Variants in KAZN observed in about 807,000 individuals in gnomAD.
KAZN encodes the protein kazrin.
A neutral mutation model predicts 87.4 loss-of-function variants in KAZN; 40 were observed. That is an observed-to-expected ratio of 0.46 (90% CI 0.36 to 0.60). The LOEUF (loss-of-function observed/expected upper bound fraction) is 0.60. Ranked by LOEUF, KAZN falls within the 20% of genes least tolerant of loss-of-function variation. The pLI is 0.00. For synonymous variants in KAZN, 466 were observed against 458.3 expected (o/e 1.02, Z -0.22); for missense variants, 898 against 1,073.9 (o/e 0.84, Z 2.29).
intron 1 of KAZN, among the ~76,000 whole-genome samples, chr1:13,909,075 A>G (rs555106547): frequency 6.6e-6 from 1 of 152,288 alleles, no homozygotes; most frequent in African/African-American, 2.4e-5. Context: ...TCTTATCCCT[A>G]CAAGAGGAGA....
At chr1:14,828,396 G>T (rs979817213) in intron 1 of KAZN, among the ~76,000 whole-genome samples, 2 of 152,068 alleles carry the variant, frequency 1.3e-5, no homozygotes, top group African/African-American at 2.4e-5. Context: ...ATGGAAAACC[G>T]TGTTTAAAAA....
At chr1:14,569,429 T>C (rs576253344) in intron 2 of KAZN, among the ~76,000 whole-genome samples, 2 of 149,210 alleles carry the variant, frequency 1.3e-5, no homozygotes, top group African/African-American at 2.5e-5. Context: ...TTCACGCCAT[T>C]CTCCTGCCTC....
intron 3 of KAZN, among the ~76,000 whole-genome samples, chr1:15,036,329 G>A (rs1292350617): frequency 6.4e-4 from 80 of 125,266 alleles, no homozygotes; most frequent in Middle Eastern, 4.1e-3. Flanking sequence ...AGCCTGCCCC[G>A]CCCGGCTCCC....
intron 2 of KAZN, among the ~76,000 whole-genome samples, chr1:14,185,081 A>G (rs1000128013): frequency 1.3e-5 from 2 of 152,104 alleles, no homozygotes; most frequent in Non-Finnish European, 2.9e-5. Flanking sequence ...CCCTCACTTT[A>G]TACAAACTGA....
At chr1:15,060,387 G>A (rs1033982402) in intron 6 of KAZN, 85 bp downstream of exon 6, 14 of 1,554,924 alleles carry the variant, frequency 9.0e-6, no homozygotes, top group African/African-American at 2.7e-5. Flanking sequence ...AGCCATACTC[G>A]CTGTTTCCTC....
chr1:14,225,668 A>G (rs1647243387), intron 2 of KAZN, among the ~76,000 whole-genome samples: 1 of 152,146 alleles, frequency 6.6e-6, no homozygotes. Flanking sequence ...TGGTGCAGAA[A>G]ACAGACACAT....
chr1:14,254,348 C>T (rs968374169), intron 2 of KAZN, among the ~76,000 whole-genome samples: 1 of 152,170 alleles, frequency 6.6e-6, no homozygotes, highest in Admixed American at 6.5e-5. Context: ...GAGAGAAGCT[C>T]CCTAGGGATC....
chr1:14,293,496 T>C (rs917326349), intron 2 of KAZN, among the ~76,000 whole-genome samples: 4 of 152,180 alleles, frequency 2.6e-5, no homozygotes, highest in African/African-American at 9.6e-5. Context: ...ATTGCTGGTG[T>C]TGCCATGTCC....
At position 15,066,731 on chromosome 1, in the gene KAZN, C is replaced by T; in HGVS notation, c.1222+978C>T. The T allele has an allele frequency of 2.0e-6, 2 of 985,384 alleles. No individual in the cohort carries two copies. Among genetic ancestry groups the T allele is most frequent in the Non-Finnish European group, 2.4e-6 (2 of 829,916 alleles). 61.0% of individuals were successfully genotyped at this position (985,384 alleles called of 1,614,324 possible). A position where few individuals can be genotyped will look rare whatever the true frequency, so the allele number is the denominator to read the frequency against. ...GTTCTGTTACCATGCTGCTACCCAACTGTGCAAAGTAGTTTAGGGTGGCCA... is the reference window on the plus strand; with the variant it reads ...GTTCTGTTACCATGCTGCTACCCAATTGTGCAAAGTAGTTTAGGGTGGCCA... On this transcript the variant is annotated intron_variant, in intron 8 of 14. Coordinates refer to ENST00000376030, the MANE Select transcript of KAZN (RefSeq NM_201628.3). This position sits in a 1 kb window ranked among gnomAD's most constrained non-coding sequence, Gnocchi z 4.3.
chr1:14,532,789 A>G (rs1013282141), intron 2 of KAZN, among the ~76,000 whole-genome samples: 5 of 151,898 alleles, frequency 3.3e-5, no homozygotes, highest in Non-Finnish European at 2.9e-5. Context: ...GTCCCTACAA[A>G]GGACATGAAC....
At chr1:14,010,023 A>G (rs1198047043) in intron 1 of KAZN, among the ~76,000 whole-genome samples, 1 of 152,230 alleles carries the variant, frequency 6.6e-6, no homozygotes, top group Admixed American at 6.5e-5. Flanking sequence ...TAGACAATCT[A>G]TAGGCATTCA....
chr1:14,406,971 C>T (rs1464382471), intron 2 of KAZN, among the ~76,000 whole-genome samples: 7 of 152,138 alleles, frequency 4.6e-5, no homozygotes. Context: ...AGCAGGCACT[C>T]GATAGCTGTG....
At chr1:14,318,641 C>T (rs969688934) in intron 2 of KAZN, among the ~76,000 whole-genome samples, 1 of 152,032 alleles carries the variant, frequency 6.6e-6, no homozygotes, top group Non-Finnish European at 1.5e-5. Context: ...TATTTTTTCT[C>T]TTCCCTTTTT....
At chr1:14,945,693 A>G (rs960181179) in intron 1 of KAZN, among the ~76,000 whole-genome samples, 5 of 152,256 alleles carry the variant, frequency 3.3e-5, no homozygotes, top group Non-Finnish European at 5.9e-5. Flanking sequence ...TATGCAAAGC[A>G]TATTTTATTT....
intron 1 of KAZN, among the ~76,000 whole-genome samples, chr1:13,919,980 A>G (rs564676802): frequency 2.4e-4 from 37 of 152,240 alleles, no homozygotes; most frequent in African/African-American, 8.9e-4. Flanking sequence ...TGAATATCCT[A>G]TTGACCCAGA....
intron 1 of KAZN, among the ~76,000 whole-genome samples, chr1:14,135,689 G>C (rs1413494348): frequency 6.6e-6 from 1 of 152,152 alleles, no homozygotes; most frequent in African/African-American, 2.4e-5. Context: ...TAGACCACTT[G>C]AACATTTTCT....
chr1:14,277,148 C>T lies in KAZN; in HGVS notation c.249+96556C>T, dbSNP rs116785867. ...AAAGTAGAGAAAATAATATAAAGAA[C>T]GCCCTTGTGCCCATTATATACTCAA... On this transcript the variant is annotated intron_variant, in intron 2 of 16. Coordinates refer to the KAZN transcript ENST00000636203. 8.6e-3 allele frequency among the ~76,000 whole-genome samples: 1,304 copies of T among 152,232 alleles called. 15 individuals carry two copies. The highest frequency in any genetic ancestry group is 0.016 in the Admixed American group (238 of 15,294).
At chr1:14,754,589 C>T (rs564865942) in intron 1 of KAZN, among the ~76,000 whole-genome samples, 36 of 152,138 alleles carry the variant, frequency 2.4e-4, no homozygotes, top group African/African-American at 7.9e-4. Flanking sequence ...GCCAAGATCA[C>T]GCCACCACAC....
intron 1 of KAZN, among the ~76,000 whole-genome samples, chr1:14,106,914 T>C (rs1644385354): frequency 6.6e-6 from 1 of 151,272 alleles, no homozygotes; most frequent in South Asian, 2.1e-4. Flanking sequence ...TTTCCATTGA[T>C]ACACTCAACC....
Sources: allele counts gnomAD v4.1 joint callset (sites outside exome capture counted in the v4.1 genomes callset), GRCh38; gene constraint gnomAD v4.1.1; non-coding constraint Gnocchi (gnomAD v3.1); transcripts MANE v1.5; gene names NCBI Gene and HGNC (gene_info 2026-07-23, HGNC 2026-07-21).